Variants in AGBL1 observed in about 807,000 individuals in gnomAD.
AGBL1 encodes AGBL carboxypeptidase 1.
Under a neutral mutation model 118.9 loss-of-function variants are expected in AGBL1, and 130 were observed. That is an observed-to-expected ratio of 1.09 (90% CI 0.95 to 1.26). AGBL1 has a LOEUF of 1.26. Ranked by LOEUF, AGBL1 falls within the 50% of genes most tolerant of loss-of-function variation. The pLI is 0.00. For synonymous variants in AGBL1, 555 were observed against 478.9 expected (o/e 1.16, Z -2.08); for missense variants, 1,584 against 1,298.1 (o/e 1.22, Z -3.38).
At chr15:86,463,823 T>G (rs1168625522) in intron 18 of AGBL1, among the ~76,000 whole-genome samples, 1 of 152,234 alleles carries the variant, frequency 6.6e-6, no homozygotes, top group African/African-American at 2.4e-5. Flanking sequence ...ACCAGTTCCA[T>G]GCTGTTTTGG....
intron 21 of AGBL1, among the ~76,000 whole-genome samples, chr15:86,563,111 T>C (rs2083853045): frequency 6.6e-6 from 1 of 152,198 alleles, no homozygotes; most frequent in Non-Finnish European, 1.5e-5. Context: ...GATTCACTGA[T>C]TTTTTGAAGG....
intron 17 of AGBL1, among the ~76,000 whole-genome samples, chr15:86,396,243 G>GTGTGTGTATA (rs928214589): frequency 7.9e-6 from 1 of 126,630 alleles, no homozygotes; most frequent in African/African-American, 3.1e-5. Flanking sequence ...GTGTGTGTGT[G>GTGTGTGTATA]TATATATATA....
At chr15:87,010,724 G>T (rs184442240) in intron 24 of AGBL1, among the ~76,000 whole-genome samples, 1 of 152,174 alleles carries the variant, frequency 6.6e-6, no homozygotes, top group Non-Finnish European at 1.5e-5. Context: ...CTATGCTACA[G>T]CTGCCCTGGT....
chr15:86,110,823 G>A (rs1465223947), intron 1 of AGBL1, among the ~76,000 whole-genome samples: 3 of 152,200 alleles, frequency 2.0e-5, no homozygotes, highest in Admixed American at 2.0e-4. Context: ...CAGGGCAGAT[G>A]GGGAAGAGCC....
At chr15:86,673,408 TC>T (rs2085780384) in intron 21 of AGBL1, among the ~76,000 whole-genome samples, 3 of 152,198 alleles carry the variant, frequency 2.0e-5, no homozygotes, top group Non-Finnish European at 4.4e-5. Flanking sequence ...ACTTTCTAGC[TC>T]ACCACAATGG....
intron 22 of AGBL1, among the ~76,000 whole-genome samples, chr15:86,773,774 A>G (rs2078214307): frequency 2.0e-5 from 3 of 151,956 alleles, no homozygotes; most frequent in Non-Finnish European, 2.9e-5. Context: ...TTGGCTCTGT[A>G]TCCACTGAAA....
chr15:86,814,916 A>G (rs1269708074), intron 22 of AGBL1, among the ~76,000 whole-genome samples: 2 of 150,806 alleles, frequency 1.3e-5, no homozygotes, highest in African/African-American at 5.0e-5. Flanking sequence ...TTTCTAACAG[A>G]GTTCCTGCCT....
intron 22 of AGBL1, among the ~76,000 whole-genome samples, chr15:86,868,779 A>G (rs573301114): frequency 1.3e-5 from 2 of 152,350 alleles, no homozygotes; most frequent in African/African-American, 4.8e-5. Flanking sequence ...CCTGTGAACC[A>G]CTAGTAGATA....
At chr15:86,586,919 A>T (rs972020089) in intron 21 of AGBL1, among the ~76,000 whole-genome samples, 12 of 152,104 alleles carry the variant, frequency 7.9e-5, no homozygotes, top group African/African-American at 2.9e-4. Flanking sequence ...AGTAGGCCAC[A>T]ATATACTGGG....
intron 22 of AGBL1, among the ~76,000 whole-genome samples, chr15:86,841,917 G>A (rs2079251490): frequency 6.6e-6 from 1 of 152,092 alleles, no homozygotes; most frequent in African/African-American, 2.4e-5. Flanking sequence ...TATTAAATAT[G>A]GGACCTGAAC....
At chr15:86,738,589 T>A (rs2141230117) in intron 22 of AGBL1, among the ~76,000 whole-genome samples, 1 of 149,384 alleles carries the variant, frequency 6.7e-6, no homozygotes, top group Admixed American at 6.6e-5. Context: ...TTTTTCTGAC[T>A]CTCTTCATCC....
At chr15:86,113,704 G>C (rs1897578606) in intron 1 of AGBL1, among the ~76,000 whole-genome samples, 1 of 152,068 alleles carries the variant, frequency 6.6e-6, no homozygotes, top group Non-Finnish European at 1.5e-5. Context: ...TTTCTATAAT[G>C]CCATGCCACA....
chr15:86,143,677 C>T (rs772215486), intron 2 of AGBL1, 22 bp from the exon 3 acceptor site: 2 of 1,611,194 alleles, frequency 1.2e-6, no homozygotes, highest in Admixed American at 1.7e-5. Context: ...TGTGGCTCAT[C>T]TTTCCTCCGG....
At chr15:86,158,679 A>C (rs1173762744) in intron 4 of AGBL1, among the ~76,000 whole-genome samples, 1 of 152,222 alleles carries the variant, frequency 6.6e-6, no homozygotes, top group African/African-American at 2.4e-5. Flanking sequence ...AAAACTTCCC[A>C]GTCTAGTTAC....
chr15:86,497,332 T>C (rs1242038966), intron 18 of AGBL1, among the ~76,000 whole-genome samples: 6 of 152,062 alleles, frequency 3.9e-5, no homozygotes, highest in Non-Finnish European at 7.4e-5. Context: ...TTCATTGGAA[T>C]GATACTGTAT....
intron 22 of AGBL1, among the ~76,000 whole-genome samples, chr15:86,893,339 C>T (rs1316869207): frequency 4.6e-5 from 7 of 152,122 alleles, no homozygotes; most frequent in African/African-American, 1.2e-4. Flanking sequence ...AAAGAGAAAA[C>T]AAGTGATAAA....
intron 22 of AGBL1, among the ~76,000 whole-genome samples, chr15:86,731,958 C>T (rs1273945976): frequency 3.9e-5 from 6 of 152,190 alleles, no homozygotes; most frequent in Non-Finnish European, 7.3e-5. Flanking sequence ...CGTGGCATTC[C>T]TCAAGGGCAC....
At chr15:86,570,971 CA>C (rs2083998134) in intron 21 of AGBL1, among the ~76,000 whole-genome samples, 1 of 152,130 alleles carries the variant, frequency 6.6e-6, no homozygotes, top group South Asian at 2.1e-4. Flanking sequence ...GGCCTGTGAG[CA>C]GTTTGTGGTC....
At chr15:86,289,105 C>G (rs2079503461) in intron 16 of AGBL1, among the ~76,000 whole-genome samples, 2 of 152,118 alleles carry the variant, frequency 1.3e-5, no homozygotes, top group African/African-American at 4.8e-5. Flanking sequence ...GAGCATTTCT[C>G]ATACACATTT....
Sources: gnomAD v4.1 joint callset for allele counts (sites outside exome capture counted in the v4.1 genomes callset) on GRCh38, gnomAD v4.1.1 for gene constraint, MANE v1.5 for transcripts, NCBI Gene and HGNC (gene_info 2026-07-23, HGNC 2026-07-21) for gene names.